The following RAD51B variants were observed in gnomAD, a reference collection of about 807,000 sequenced individuals.
RAD51B encodes RAD51 paralog B.
RAD51B carries 38 observed loss-of-function variants against 42.2 expected under a neutral mutation model. The observed-to-expected ratio is 0.90, with a 90% confidence interval of 0.70 to 1.18. The LOEUF (loss-of-function observed/expected upper bound fraction) is 1.18. Ranked by LOEUF, RAD51B falls within the 50% of genes most tolerant of loss-of-function variation. RAD51B has a pLI of 0.00. For synonymous variants in RAD51B, 154 were observed against 145.2 expected (o/e 1.06, Z -0.43); for missense variants, 373 against 400.7 (o/e 0.93, Z 0.59).
intron 10 of RAD51B, among the ~76,000 whole-genome samples, chr14:68,524,912 G>T (rs1886824752): frequency 6.6e-6 from 1 of 152,224 alleles, no homozygotes; most frequent in Admixed American, 6.5e-5. Flanking sequence ...CGTGATAGGG[G>T]TTTCCACCCT....
At chr14:67,989,651 AAAAAAAG>A (rs1396222010) in intron 7 of RAD51B, among the ~76,000 whole-genome samples, 1 of 151,028 alleles carries the variant, frequency 6.6e-6, no homozygotes, top group Non-Finnish European at 1.5e-5. Context: ...AAAAAAAAAA[AAAAAAAG>A]AAAGAAAGAA....
intron 7 of RAD51B, among the ~76,000 whole-genome samples, chr14:67,973,113 A>T (rs940666717): frequency 6.6e-6 from 1 of 152,086 alleles, no homozygotes; most frequent in Non-Finnish European, 1.5e-5. Context: ...ATAATCAACC[A>T]TATCTAAGGC....
At chr14:67,829,399 C>A (rs545029084) in intron 3 of RAD51B, among the ~76,000 whole-genome samples, 3 of 152,182 alleles carry the variant, frequency 2.0e-5, no homozygotes, top group Non-Finnish European at 4.4e-5. Flanking sequence ...CCCACCTCCA[C>A]GCCTGGCTAA....
At chr14:68,572,659 C>T (rs1384313762) in intron 10 of RAD51B, among the ~76,000 whole-genome samples, 1 of 152,148 alleles carries the variant, frequency 6.6e-6, no homozygotes, top group Non-Finnish European at 1.5e-5. Flanking sequence ...CCAGACTATC[C>T]ACTCATCCCT....
In RAD51B at chr14:67,991,078, T is replaced by C. The variant is rs1275185779; in HGVS notation, c.756+103874T>C. On this transcript the variant is annotated intron_variant, in intron 7 of 10. Transcript: ENST00000471583. ...TTTAAAAAAACATGGGGAAGAGCAG[T>C]TGGGAATAGGACCCAGGCACTTAAA... Among the ~76,000 whole-genome samples, 6 of 152,162 alleles carry C rather than the reference T, an allele frequency of 3.9e-5. No homozygotes were observed. The South Asian group carries it at 1.0e-3, about 26-fold the overall frequency.
intron 4 of RAD51B, among the ~76,000 whole-genome samples, chr14:67,848,145 G>A (rs1029371229): frequency 6.6e-6 from 1 of 152,154 alleles, no homozygotes; most frequent in South Asian, 2.1e-4. Flanking sequence ...AGCCTCCCGA[G>A]TAGCTGGGAT....
rs151258793 is a variant in RAD51B, at chr14:68,149,309, C to T, written c.757-142575C>T. On this transcript the variant is annotated intron_variant, in intron 7 of 10. Transcript: ENST00000471583. ...TCACCTAGATTTTTTTCTATGTTAT[C>T]GTCTGGAATTTTTATAGTTTGCATT... 4.3e-3 allele frequency among the ~76,000 whole-genome samples: 652 copies of T among 151,946 alleles called. 1 individual carries two copies. Among genetic ancestry groups the T allele is most frequent in the Middle Eastern group, 0.017 (5 of 294 alleles).
chr14:68,606,606 A>G (rs1157656792), intron 10 of RAD51B, among the ~76,000 whole-genome samples: 1 of 152,096 alleles, frequency 6.6e-6, no homozygotes, highest in Non-Finnish European at 1.5e-5. Flanking sequence ...TTGACACACC[A>G]TTGGGTTCCC....
At chr14:68,500,631 C>T (rs1884852268) in intron 10 of RAD51B, among the ~76,000 whole-genome samples, 1 of 152,268 alleles carries the variant, frequency 6.6e-6, no homozygotes, top group Non-Finnish European at 1.5e-5. Context: ...GTCCTGCTAA[C>T]AGCAGATGGA....
chr14:68,367,032 A>G (rs997293440), intron 8 of RAD51B, among the ~76,000 whole-genome samples: 1 of 152,248 alleles, frequency 6.6e-6, no homozygotes, highest in African/African-American at 2.4e-5. Flanking sequence ...TCCAACTGTA[A>G]CATTTCACTC....
intron 7 of RAD51B, among the ~76,000 whole-genome samples, chr14:68,228,476 G>A (rs547192377): frequency 1.3e-5 from 2 of 151,592 alleles, no homozygotes; most frequent in South Asian, 2.1e-4. Flanking sequence ...TCATTGTCTC[G>A]CCTTTAACAC....
intron 3 of RAD51B, among the ~76,000 whole-genome samples, chr14:67,826,276 G>A (rs541578024): frequency 1.3e-5 from 2 of 152,136 alleles, no homozygotes; most frequent in East Asian, 1.9e-4. Flanking sequence ...AGATCATAAA[G>A]TACACATAAT....
downstream of RAD51B, among the ~76,000 whole-genome samples, chr14:68,478,385 T>C (rs549730398): frequency 4.5e-4 from 69 of 152,232 alleles, no homozygotes; most frequent in Non-Finnish European, 8.1e-4. Context: ...CTGAGACTCA[T>C]GCAGTATTTA....
At chr14:68,223,141 C>G (rs924561270) in intron 7 of RAD51B, among the ~76,000 whole-genome samples, 2 of 152,214 alleles carry the variant, frequency 1.3e-5, no homozygotes, top group Admixed American at 1.3e-4. Flanking sequence ...GTTATCTACT[C>G]AGTTGCCTAA....
intron 7 of RAD51B, among the ~76,000 whole-genome samples, chr14:68,098,708 A>G (rs1426429503): frequency 6.6e-6 from 1 of 152,208 alleles, no homozygotes; most frequent in Non-Finnish European, 1.5e-5. Flanking sequence ...ACACATGGGA[A>G]TTATGGGAGT....
intron 10 of RAD51B, among the ~76,000 whole-genome samples, chr14:68,648,107 ACACAC>A (rs1892613584): frequency 4.1e-5 from 1 of 24,402 alleles, no homozygotes; most frequent in Non-Finnish European, 8.0e-5. Flanking sequence ...ATATATATAC[ACACAC>A]GTATATATAT....
At chr14:68,240,298 T>A (rs950902416) in intron 7 of RAD51B, among the ~76,000 whole-genome samples, 2 of 152,158 alleles carry the variant, frequency 1.3e-5, no homozygotes, top group Non-Finnish European at 2.9e-5. Context: ...TTTAACAACC[T>A]CAACTCCACT....
chr14:68,316,057 A>G (rs1423277042), intron 8 of RAD51B, among the ~76,000 whole-genome samples: 2 of 152,234 alleles, frequency 1.3e-5, no homozygotes, highest in Admixed American at 6.5e-5. Context: ...TTGATAGCTC[A>G]TTGAGACAGT....
intron 10 of RAD51B, among the ~76,000 whole-genome samples, chr14:68,483,823 G>A (rs1373487480): frequency 6.6e-6 from 1 of 152,218 alleles, no homozygotes. Context: ...GGACATAAGA[G>A]ATGAAGGAGG....
Sources: allele counts gnomAD v4.1 joint callset (sites outside exome capture counted in the v4.1 genomes callset), GRCh38; gene constraint gnomAD v4.1.1; transcripts MANE v1.5; gene names NCBI Gene and HGNC (gene_info 2026-07-23, HGNC 2026-07-21).